The following ATRN variants were observed in gnomAD, a reference collection of about 807,000 sequenced individuals.
ATRN encodes attractin, also known as attractin-2.
A neutral mutation model predicts 178.7 loss-of-function variants in ATRN; 54 were observed. The ratio of observed to expected loss-of-function variants is 0.30; its 90% CI spans 0.24 to 0.38. The LOEUF (loss-of-function observed/expected upper bound fraction) is 0.38, where lower values mean the gene tolerates loss of function less well. ATRN is among the 10% of genes least tolerant of loss of function. ATRN has a pLI of 1.00. For missense variants in ATRN, 1,443 were observed against 1,815.1 expected (o/e 0.79, Z 3.73); for synonymous variants, 636 against 663.0 (o/e 0.96, Z 0.63).
chr20:3,530,789 G>A lies in ATRN; in HGVS notation c.411-4464G>A, dbSNP rs552171582. On this transcript the variant is annotated intron_variant, in intron 1 of 28. Transcript: ENST00000262919. ...CCATAAAGAAAATCTTAACAGATGA[G>A]AAAAGTTGAGATTTTATAGGCTGCG... 2.1e-3 allele frequency among the ~76,000 whole-genome samples: 318 copies of A among 152,176 alleles called. 2 individuals carry two copies. The highest frequency in any genetic ancestry group is 6.0e-3 in the Admixed American group (92 of 15,272).
chr20:3,586,775 T>A (rs1176568101), intron 18 of ATRN, among the ~76,000 whole-genome samples: 1 of 152,230 alleles, frequency 6.6e-6, no homozygotes, highest in Non-Finnish European at 1.5e-5. Context: ...AGATGTTTAG[T>A]GGTTTCCTAG....
At chr20:3,635,242 C>G (rs1181855105) in intron 26 of ATRN, among the ~76,000 whole-genome samples, 1 of 151,644 alleles carries the variant, frequency 6.6e-6, no homozygotes, top group Non-Finnish European at 1.5e-5. Flanking sequence ...GGATAAAATA[C>G]TATACATCGG....
At chr20:3,498,479 C>T (rs1015337049) in intron 1 of ATRN, among the ~76,000 whole-genome samples, 8 of 152,026 alleles carry the variant, frequency 5.3e-5, no homozygotes, top group South Asian at 4.2e-4. Context: ...AAAAGCTTAT[C>T]CACCATGATC....
intron 22 of ATRN, 26 bp from the exon 23 acceptor site, chr20:3,600,920 T>G: frequency 6.3e-7 from 1 of 1,582,740 alleles, no homozygotes; most frequent in Non-Finnish European, 8.6e-7. Flanking sequence ...TTAATTAATT[T>G]TCTAATAATT....
In ATRN at chr20:3,600,734, A is replaced by G. The variant is rs147298784; in HGVS notation, c.3565-212A>G. On this transcript the variant is annotated intron_variant, in intron 22 of 28. Transcript: ENST00000262919. Reference sequence around the variant, plus strand: ...TTTGATAAAGCATTAAATTATGTATACTTTAATGGGAGGGAATAAAATTTT... The same window carrying G: ...TTTGATAAAGCATTAAATTATGTATGCTTTAATGGGAGGGAATAAAATTTT... 2.2e-3 allele frequency among the ~76,000 whole-genome samples: 339 copies of G among 152,264 alleles called. 1 individual carries two copies. Among genetic ancestry groups the G allele is most frequent in the African/African-American group, 7.8e-3 (323 of 41,538 alleles).
chr20:3,490,570 A>T (rs1378465602), intron 1 of ATRN: 3 of 1,060,250 alleles, frequency 2.8e-6, no homozygotes, highest in Non-Finnish European at 4.4e-6. Context: ...CTTCACGTTA[A>T]TGTACTTGAG....
At chr20:3,504,382 A>G (rs2085007599) in intron 1 of ATRN, among the ~76,000 whole-genome samples, 1 of 151,922 alleles carries the variant, frequency 6.6e-6, no homozygotes, top group Non-Finnish European at 1.5e-5. Context: ...ACATAAAATA[A>G]TAGACTGTCG....
rs570981960 is a variant in ATRN, at chr20:3,477,858, T to C, written c.410+6341T>C. On this transcript the variant is annotated intron_variant, in intron 1 of 28. Transcript: ENST00000262919. ...TATATGTCTTCTGTCCTTATATTGCTCCTGAACTTCTCTGTCATCCACTGT... is the reference window on the plus strand; with the variant it reads ...TATATGTCTTCTGTCCTTATATTGCCCCTGAACTTCTCTGTCATCCACTGT... 4.6e-5 allele frequency among the ~76,000 whole-genome samples: 7 copies of C among 152,360 alleles called. No individual in the cohort carries two copies. The South Asian group carries it at 1.4e-3, about 32-fold the overall frequency.
chr20:3,499,906 A>C (rs1005207772), intron 1 of ATRN, among the ~76,000 whole-genome samples: 1 of 150,654 alleles, frequency 6.6e-6, no homozygotes, highest in South Asian at 2.1e-4. Flanking sequence ...CAACCTACAA[A>C]ATGGGAGAAA....
At chr20:3,615,578 CAG>C (rs1351918537) in intron 24 of ATRN, among the ~76,000 whole-genome samples, 1 of 122,500 alleles carries the variant, frequency 8.2e-6, no homozygotes, top group South Asian at 2.6e-4. Context: ...TTTTTGGAGA[CAG>C]AGTCTCACTC....
intron 24 of ATRN, among the ~76,000 whole-genome samples, chr20:3,621,896 G>A (rs750665737): frequency 3.7e-4 from 57 of 152,038 alleles, no homozygotes; most frequent in Non-Finnish European, 6.5e-4. Flanking sequence ...AGTTCTGTGA[G>A]ACAGATCATT....
chr20:3,507,056 T>G (rs988377069), intron 1 of ATRN, among the ~76,000 whole-genome samples: 2 of 151,344 alleles, frequency 1.3e-5, no homozygotes, highest in Non-Finnish European at 2.9e-5. Flanking sequence ...AGGTTTTGTT[T>G]TTTTTTTTTT....
chr20:3,518,303 G>A (rs778952017), intron 1 of ATRN, among the ~76,000 whole-genome samples: 43 of 152,276 alleles, frequency 2.8e-4, no homozygotes, highest in Middle Eastern at 3.4e-3. Flanking sequence ...TGCAGGCTCC[G>A]TGCTTGGTAT....
At chr20:3,562,144 A>G in intron 8 of ATRN, 132 bp from the exon 9 acceptor site, 1 of 761,918 alleles carries the variant, frequency 1.3e-6, no homozygotes, top group Non-Finnish European at 2.1e-6. Context: ...GCTTTCTTTA[A>G]AATATAAAGA....
chr20:3,506,885 A>C (rs1490760613), intron 1 of ATRN, among the ~76,000 whole-genome samples: 1 of 152,096 alleles, frequency 6.6e-6, no homozygotes, highest in African/African-American at 2.4e-5. Context: ...GTATAAAAAG[A>C]AGCATTGGAA....
rs2086245258 is a variant in ATRN at position 3,578,852 on chromosome 20, G to T, written c.2544+80G>T. 59 of 1,364,546 alleles carry T rather than the reference G, an allele frequency of 4.3e-5. 2 individuals are homozygous for T. The South Asian group carries it at 8.3e-4, about 19-fold the overall frequency. The allele number at this position is 1,364,546 out of a possible 1,614,324, so 84.5% of individuals were successfully genotyped here. ...GCATGACTGCAGCTTGCATGTGGAAGGCTGTGGATATGTGTGACGTGCTTG... is the reference window on the plus strand; with the variant it reads ...GCATGACTGCAGCTTGCATGTGGAATGCTGTGGATATGTGTGACGTGCTTG... On this transcript the variant is annotated intron_variant, in intron 15 of 28. Transcript: ENST00000262919.
At chr20:3,628,778 T>C (rs2086966000) in intron 25 of ATRN, 1 of 587,786 alleles carries the variant, frequency 1.7e-6, no homozygotes, top group Admixed American at 6.4e-5. Flanking sequence ...ATCAACCAAC[T>C]GACTGCTTCA....
chr20:3,515,658 A>G (rs1372360655), intron 1 of ATRN, among the ~76,000 whole-genome samples: 1 of 152,222 alleles, frequency 6.6e-6, no homozygotes, highest in Admixed American at 6.5e-5. Context: ...AAGATTTTTT[A>G]TATAAAAGTG....
chr20:3,518,267 A>G (rs902151363), intron 1 of ATRN, among the ~76,000 whole-genome samples: 1 of 152,178 alleles, frequency 6.6e-6, no homozygotes, highest in Non-Finnish European at 1.5e-5. Flanking sequence ...CTCTGACCCC[A>G]AATTTCTACC....
Sources: gnomAD v4.1 joint callset for allele counts (sites outside exome capture counted in the v4.1 genomes callset) on GRCh38, gnomAD v4.1.1 for gene constraint, MANE v1.5 for transcripts, NCBI Gene and HGNC (gene_info 2026-07-23, HGNC 2026-07-21) for gene names.